The following LOC112694756 variants were observed in gnomAD, a reference collection of about 807,000 sequenced individuals.
chr16:30,054,495 G>A, the LOC112694756 span: 2 of 265,652 alleles, frequency 7.5e-6, no homozygotes, highest in Non-Finnish European at 7.0e-6. Context: ...TAAAGGAGTG[G>A]CAAGGGAGTC....
the LOC112694756 span, chr16:30,054,753 C>T: frequency 5.0e-6 from 2 of 399,350 alleles, no homozygotes; most frequent in Non-Finnish European, 8.8e-6. Flanking sequence ...TCTCCATCTC[C>T]TTGTCACCCC....
the LOC112694756 span, among the ~76,000 whole-genome samples, chr16:30,062,188 G>C: frequency 6.6e-6 from 1 of 151,078 alleles, no homozygotes; most frequent in East Asian, 2.0e-4. Context: ...GGGTGACAGA[G>C]CAAGACTCCG....
At chr16:30,058,020 C>T in the LOC112694756 span, among the ~76,000 whole-genome samples, 15 of 152,156 alleles carry the variant, frequency 9.9e-5, no homozygotes, top group South Asian at 1.2e-3. Context: ...CTGGGGATGC[C>T]GCCCCCTACC....
chr16:30,066,839 C>T, the LOC112694756 span: 4 of 1,525,598 alleles, frequency 2.6e-6, no homozygotes, highest in African/African-American at 4.1e-5. Flanking sequence ...CTGCTTGATT[C>T]ACGATCTTTA....
the LOC112694756 span, chr16:30,066,325 G>A: frequency 6.6e-6 from 1 of 152,482 alleles, no homozygotes; most frequent in African/African-American, 2.4e-5. Flanking sequence ...GGCGCCCTTC[G>A]CGAGGAGGGA....
chr16:30,068,617 T>G, the LOC112694756 span: 1 of 1,613,374 alleles, frequency 6.2e-7, no homozygotes, highest in Non-Finnish European at 8.5e-7. Flanking sequence ...ATTTCCTGTG[T>G]CTTAATGTTG....
At chr16:30,065,051 A>C in the LOC112694756 span, among the ~76,000 whole-genome samples, 1 of 152,250 alleles carries the variant, frequency 6.6e-6, no homozygotes, top group African/African-American at 2.4e-5. Flanking sequence ...TCTGTGGCGC[A>C]GAGGACTACC....
the LOC112694756 span, chr16:30,069,093 C>A: frequency 6.6e-7 from 1 of 1,516,264 alleles, no homozygotes; most frequent in Non-Finnish European, 9.1e-7. Flanking sequence ...TTAGCTTTGG[C>A]CCGTGGAGGA....
chr16:30,067,412 G>A, the LOC112694756 span: 1 of 1,613,844 alleles, frequency 6.2e-7, no homozygotes, highest in Non-Finnish European at 8.5e-7. Flanking sequence ...GGTTGGGAGT[G>A]GCAGGCTGAT....
the LOC112694756 span, among the ~76,000 whole-genome samples, chr16:30,057,767 G>T: frequency 6.6e-6 from 1 of 152,044 alleles, no homozygotes; most frequent in African/African-American, 2.4e-5. Context: ...AGGAGACCTT[G>T]GGTTCTGAAA....
chr16:30,067,864 C>T, the LOC112694756 span: 4 of 660,692 alleles, frequency 6.1e-6, no homozygotes, highest in Admixed American at 5.0e-5. Flanking sequence ...ATGAAAATCT[C>T]AGAAGCTCAG....
the LOC112694756 span, among the ~76,000 whole-genome samples, chr16:30,057,331 G>C: frequency 6.6e-6 from 1 of 152,198 alleles, no homozygotes; most frequent in Non-Finnish European, 1.5e-5. Context: ...GGGAAGTTTA[G>C]TGGCTTCTCC....
the LOC112694756 span, chr16:30,069,832 A>G: frequency 6.2e-7 from 1 of 1,613,998 alleles, no homozygotes; most frequent in Non-Finnish European, 8.5e-7. Context: ...CTCTACAGGG[A>G]TCACCTTCCT....
At chr16:30,064,483 G>A in the LOC112694756 span, 1 of 398,700 alleles carries the variant, frequency 2.5e-6, no homozygotes, top group Non-Finnish European at 4.4e-6. Context: ...GATTTCCAAG[G>A]AAGAATTTCC....
chr16:30,061,492 ACTGTAC>A, the LOC112694756 span, among the ~76,000 whole-genome samples: 1 of 146,846 alleles, frequency 6.8e-6, no homozygotes, highest in South Asian at 2.2e-4. Context: ...TGCAGGCAGG[ACTGTAC>A]ATCCCAGCTC....
the LOC112694756 span, chr16:30,069,765 A>G: frequency 3.1e-6 from 5 of 1,612,180 alleles, no homozygotes; most frequent in South Asian, 1.1e-5. Flanking sequence ...GGCAACTTCC[A>G]CCAGCTCCTG....
the LOC112694756 span, chr16:30,064,335 CAAGG>C: frequency 2.5e-6 from 1 of 398,336 alleles, no homozygotes; most frequent in African/African-American, 2.1e-5. Context: ...CGCAGGGAGT[CAAGG>C]GAGGAGGGAG....
At chr16:30,067,288 CAGA>C in the LOC112694756 span, 7 of 1,612,700 alleles carry the variant, frequency 4.3e-6, no homozygotes, top group South Asian at 1.1e-5. Flanking sequence ...GACCCCGGAG[CAGA>C]AGAAGGAGCT....
chr16:30,069,851 G>A, the LOC112694756 span: 1 of 1,614,118 alleles, frequency 6.2e-7, no homozygotes, highest in Non-Finnish European at 8.5e-7. Flanking sequence ...CTGTCTGGAG[G>A]CCAGAGTGAG....
Sources: gnomAD v4.1 joint callset for allele counts (sites outside exome capture counted in the v4.1 genomes callset) on GRCh38, gnomAD v4.1.1 for gene constraint, MANE v1.5 for transcripts.